ZSWIM5: variants seen among roughly 807,000 people sequenced by gnomAD.
The protein encoded by ZSWIM5 is zinc finger SWIM domain-containing protein 5.
ZSWIM5 carries 55 observed loss-of-function variants against 119.6 expected under a neutral mutation model. The observed-to-expected ratio is 0.46, with a 90% CI of 0.37 to 0.58. The LOEUF (loss-of-function observed/expected upper bound fraction) is 0.58. Among genes scored for constraint, ZSWIM5 ranks in the 20% least tolerant of loss-of-function variants. The pLI, the probability that ZSWIM5 is intolerant of heterozygous loss-of-function variation, is 0.00. For synonymous variants in ZSWIM5, 537 were observed against 606.9 expected (o/e 0.88, Z 1.69); for missense variants, 1,193 against 1,512.8 (o/e 0.79, Z 3.51).
chr1:45,154,535 G>A (rs1383041714), intron 1 of ZSWIM5, among the ~76,000 whole-genome samples: 1 of 152,102 alleles, frequency 6.6e-6, no homozygotes, highest in Non-Finnish European at 1.5e-5. Context: ...TAATTGACAA[G>A]CCACATGTAG....
At chr1:45,180,798 A>T (rs1212165132) in intron 1 of ZSWIM5, among the ~76,000 whole-genome samples, 1 of 152,078 alleles carries the variant, frequency 6.6e-6, no homozygotes, top group African/African-American at 2.4e-5. Context: ...TTCTGCAGAC[A>T]CCGCTGCTGA....
At chr1:45,095,047 C>A (rs1645391967) in intron 1 of ZSWIM5, among the ~76,000 whole-genome samples, 1 of 152,018 alleles carries the variant, frequency 6.6e-6, no homozygotes, top group African/African-American at 2.4e-5. Flanking sequence ...TGGTAAACAC[C>A]TCTGTATGAA....
At chr1:45,145,949 G>C (rs1645757080) in intron 1 of ZSWIM5, among the ~76,000 whole-genome samples, 1 of 152,142 alleles carries the variant, frequency 6.6e-6, no homozygotes, top group African/African-American at 2.4e-5. Flanking sequence ...TGAAGAAAAT[G>C]AATCAAGGAT....
intron 1 of ZSWIM5, among the ~76,000 whole-genome samples, chr1:45,189,677 G>T (rs1646079797): frequency 2.0e-5 from 3 of 152,116 alleles, no homozygotes; most frequent in Admixed American, 6.5e-5. Flanking sequence ...AATTACCTGA[G>T]CCTAGAAGGT....
chr1:45,071,796 G>A (rs1645223750), intron 2 of ZSWIM5, among the ~76,000 whole-genome samples: 1 of 152,126 alleles, frequency 6.6e-6, no homozygotes, highest in African/African-American at 2.4e-5. Flanking sequence ...GTACTCCACT[G>A]TGTATAAGTA....
intron 4 of ZSWIM5, among the ~76,000 whole-genome samples, chr1:45,052,041 C>G (rs567989052): frequency 1.1e-4 from 17 of 151,184 alleles, no homozygotes; most frequent in Admixed American, 4.6e-4. Flanking sequence ...CTCTTGCCCC[C>G]CAAGCTGGAG....
intron 1 of ZSWIM5, among the ~76,000 whole-genome samples, chr1:45,104,819 G>A (rs1306973476): frequency 1.3e-5 from 2 of 152,136 alleles, no homozygotes; most frequent in Non-Finnish European, 2.9e-5. Flanking sequence ...AACAGCCATT[G>A]GCCCCCCTCA....
chr1:45,203,686 C>CT (rs1646171028), intron 1 of ZSWIM5, among the ~76,000 whole-genome samples: 1 of 152,054 alleles, frequency 6.6e-6, no homozygotes, highest in African/African-American at 2.4e-5. Context: ...TTACTTATAA[C>CT]TTTAAGTTTA....
At chr1:45,081,581 G>A (rs1442561029) in intron 2 of ZSWIM5, among the ~76,000 whole-genome samples, 5 of 152,236 alleles carry the variant, frequency 3.3e-5, no homozygotes, top group African/African-American at 7.2e-5. Context: ...CCGAGGTGCC[G>A]GGATTGCAGA....
At chr1:45,174,391 A>G (rs1408351233) in intron 1 of ZSWIM5, among the ~76,000 whole-genome samples, 1 of 152,056 alleles carries the variant, frequency 6.6e-6, no homozygotes, top group East Asian at 1.9e-4. Flanking sequence ...AACAATTCAA[A>G]ATAAATAGGT....
rs569828406 is a variant in ZSWIM5, at chr1:45,091,333, A to G, written c.596-3096T>C. 2.6e-5 allele frequency among the ~76,000 whole-genome samples: 4 copies of G among 152,188 alleles called. 1 individual carries two copies. In the East Asian group the frequency reaches 7.7e-4, roughly 29 times the overall value. On this transcript the variant is annotated intron_variant, in intron 1 of 13. Coordinates refer to ENST00000359600, the MANE Select transcript of ZSWIM5 (RefSeq NM_020883.2). ...AAGGGCTACATTAAAATTTCAAACT[A>G]AATAGTAATGTCAATGTGGAAAAGC...
chr1:45,190,527 G>A (rs143544410), intron 1 of ZSWIM5, among the ~76,000 whole-genome samples: 1 of 152,282 alleles, frequency 6.6e-6, no homozygotes, highest in African/African-American at 2.4e-5. Flanking sequence ...AATCCTGGAG[G>A]AGCGGTTCCC....
intron 1 of ZSWIM5, among the ~76,000 whole-genome samples, chr1:45,135,575 A>G (rs925335530): frequency 1.3e-5 from 2 of 152,202 alleles, no homozygotes; most frequent in African/African-American, 4.8e-5. Context: ...ACAGCCTCCA[A>G]TTATACTCTG....
intron 1 of ZSWIM5, among the ~76,000 whole-genome samples, chr1:45,179,044 G>C (rs1170988350): frequency 6.6e-6 from 1 of 151,752 alleles, no homozygotes; most frequent in African/African-American, 2.4e-5. Flanking sequence ...ATGAAATAAA[G>C]GAAACAATTC....
chr1:45,070,199 G>T, intron 2 of ZSWIM5: 1 of 1,410,246 alleles, frequency 7.1e-7, no homozygotes, highest in African/African-American at 1.4e-5. Context: ...CATTTACTTT[G>T]TAGGCCAAGA....
chr1:45,048,082 CTTT>C (rs1187025417), intron 5 of ZSWIM5, among the ~76,000 whole-genome samples: 1 of 85,248 alleles, frequency 1.2e-5, no homozygotes, highest in Non-Finnish European at 2.3e-5. Context: ...TTTCTTTTCT[CTTT>C]TTTTTTTTTT....
At chr1:45,142,902 G>A (rs925303314) in intron 1 of ZSWIM5, among the ~76,000 whole-genome samples, 6 of 151,620 alleles carry the variant, frequency 4.0e-5, no homozygotes, top group African/African-American at 1.5e-4. Flanking sequence ...TGGACATGGT[G>A]GCTCATACCT....
intron 1 of ZSWIM5, among the ~76,000 whole-genome samples, chr1:45,184,642 A>G (rs1301423456): frequency 6.6e-6 from 1 of 152,042 alleles, no homozygotes; most frequent in East Asian, 1.9e-4. Context: ...GTGAACTCCC[A>G]TTCACAATTG....
intron 4 of ZSWIM5, among the ~76,000 whole-genome samples, chr1:45,054,435 A>AG (rs146614531): frequency 0.019 from 2,810 of 151,374 alleles, 92 homozygotes; most frequent in African/African-American, 0.065. Flanking sequence ...TAGAAAAATT[A>AG]GCCGGGCGTG....
Sources: allele counts gnomAD v4.1 joint callset (sites outside exome capture counted in the v4.1 genomes callset), GRCh38; gene constraint gnomAD v4.1.1; transcripts MANE v1.5; gene names NCBI Gene and HGNC (gene_info 2026-07-23, HGNC 2026-07-21).